The following ZNF595 variants were observed in gnomAD, a reference collection of about 807,000 sequenced individuals.
The protein encoded by ZNF595 is zinc finger protein 595.
ZNF595 carries 9 observed loss-of-function variants against 19.4 expected under a neutral mutation model. That is an observed-to-expected ratio of 0.46 (90% CI 0.28 to 0.81). ZNF595 has a LOEUF of 0.81. Ranked by LOEUF, ZNF595 falls within the 30% of genes least tolerant of loss-of-function variation. The probability of loss-of-function intolerance (pLI) is 0.11; values close to 1 mark genes in which losing one functional copy is unlikely to be tolerated. For missense variants in ZNF595, 729 were observed against 736.0 expected, an observed-to-expected ratio of 0.99 and a Z score of 0.11; for synonymous variants, 255 against 255.9, an observed-to-expected ratio of 1.00 and a Z score of 0.03.
At chr4:78,270 A>G (rs1176172962) in intron 3 of ZNF595, among the ~76,000 whole-genome samples, 1 of 152,210 alleles carries the variant, frequency 6.6e-6, no homozygotes, top group Non-Finnish European at 1.5e-5. Context: ...GGCCTCCCAG[A>G]GTCCTCAGAT....
At chr4:74,053 A>G (rs917695344) in intron 3 of ZNF595, among the ~76,000 whole-genome samples, 2 of 152,118 alleles carry the variant, frequency 1.3e-5, no homozygotes, top group Non-Finnish European at 2.9e-5. Context: ...CACACCTGTA[A>G]TCCTAATACT....
In ZNF595 at chr4:86,189, A is replaced by C; in HGVS notation, c.685A>C (p.Thr229Pro). Residue 229 changes from threonine to proline, a missense_variant, in exon 4 of 4, where the codon ACA (threonine) becomes CCA (proline). Coordinates refer to ENST00000610261, the MANE Select transcript of ZNF595 (RefSeq NM_182524.4). ...AATTCATACTGGAGAGAAACCCTACACATGTGAAGAATGTGGCAAAGCCTT... is the reference window on the plus strand; with the variant it reads ...AATTCATACTGGAGAGAAACCCTACCCATGTGAAGAATGTGGCAAAGCCTT... ...KRIHTGEKPY[T>P]CEECGKAFRR... is the part of the protein sequence containing the mutation. The C allele has an allele frequency of 1.2e-6, 2 of 1,613,948 alleles. No individual in the cohort carries two copies. Among genetic ancestry groups the C allele is most frequent in the Admixed American group, 1.7e-5 (1 of 60,020 alleles).
At chr4:74,924 A>G (rs1484432549) in intron 3 of ZNF595, among the ~76,000 whole-genome samples, 6 of 152,028 alleles carry the variant, frequency 3.9e-5, no homozygotes, top group African/African-American at 1.4e-4. Context: ...CTTTTACAAT[A>G]TATTTATGTG....
chr4:60,722 T>G (rs1712818490), intron 3 of ZNF595, among the ~76,000 whole-genome samples: 1 of 152,310 alleles, frequency 6.6e-6, no homozygotes, highest in Non-Finnish European at 1.5e-5. Context: ...TTAGTGATTT[T>G]TAATCCTGTA....
chr4:71,949 G>A (rs1390575205), intron 3 of ZNF595, among the ~76,000 whole-genome samples: 3 of 152,090 alleles, frequency 2.0e-5, no homozygotes, highest in Non-Finnish European at 2.9e-5. Context: ...GAGGCACACA[G>A]TGCAGAGGCC....
At chr4:76,932 T>C (rs1300417399) in intron 3 of ZNF595, among the ~76,000 whole-genome samples, 7 of 152,180 alleles carry the variant, frequency 4.6e-5, no homozygotes, top group African/African-American at 1.7e-4. Flanking sequence ...GGGCAATTGT[T>C]ATTAGTTCCT....
At chr4:74,820 A>G (rs1271116596) in intron 3 of ZNF595, among the ~76,000 whole-genome samples, 1 of 152,136 alleles carries the variant, frequency 6.6e-6, no homozygotes, top group Non-Finnish European at 1.5e-5. Context: ...CGGAGAGGTG[A>G]CTGAATAGAA....
chr4:76,401 C>T (rs576733838), intron 3 of ZNF595, among the ~76,000 whole-genome samples: 1 of 152,014 alleles, frequency 6.6e-6, no homozygotes, highest in Admixed American at 6.6e-5. Context: ...TATTGTATAC[C>T]CATTAACAAA....
rs1714275423 is a variant in ZNF595, at chr4:87,415, A to C, written c.1911A>C (p.Val637=). Reference sequence around the variant, plus strand: ...TTAATCGGCCCTCAACCCTTACTGTACACAAGCGAATTCATACTGGCAAGG... The same window carrying C: ...TTAATCGGCCCTCAACCCTTACTGTCCACAAGCGAATTCATACTGGCAAGG... The part of the protein sequence containing the change: ...KAFNRPSTLT[V]HKRIHTGKEH... The change falls in exon 4 of 4, where the codon GTA becomes GTC. Residue 637 remains valine (V), a synonymous_variant. Transcript: ENST00000610261. The C allele has an allele frequency of 1.2e-6, 2 of 1,605,330 alleles. No individual in the cohort carries two copies. The highest frequency in any genetic ancestry group is 2.7e-5 in the African/African-American group (2 of 74,638).
Position 87,386 on chromosome 4 carries a change from G to T in ZNF595, c.1882G>T (p.Ala628Ser). Reference sequence around the variant, plus strand: ...CTACAAATGTGAAGAATGTGGCAAAGCTTTTAATCGGCCCTCAACCCTTAC... The same window carrying T: ...CTACAAATGTGAAGAATGTGGCAAATCTTTTAATCGGCCCTCAACCCTTAC... ...KSYKCEECGK[A>S]FNRPSTLTVH... is the part of the protein sequence containing the mutation. The change falls in exon 4 of 4, where the codon GCT becomes TCT. Residue 628 changes from alanine (A) to serine (S), a missense_variant. This residue lies in a region of ZNF595 where 729 missense variants were observed against 675.3 expected (regional missense o/e 1.08). Coordinates refer to ENST00000610261, the MANE Select transcript of ZNF595 (RefSeq NM_182524.4). 1 of 1,613,046 alleles carries T rather than the reference G, an allele frequency of 6.2e-7. No individual in the cohort carries two copies. Among genetic ancestry groups the T allele is most frequent in the South Asian group, 1.1e-5 (1 of 90,800 alleles).
At chr4:76,905 GTTCAA>G (rs1306490923) in intron 3 of ZNF595, among the ~76,000 whole-genome samples, 1 of 152,050 alleles carries the variant, frequency 6.6e-6, no homozygotes, top group Non-Finnish European at 1.5e-5. Flanking sequence ...AATTTTGGCA[GTTCAA>G]TTATGTGTTC....
intron 3 of ZNF595, among the ~76,000 whole-genome samples, chr4:80,585 G>T (rs1553799654): frequency 6.6e-6 from 1 of 152,078 alleles, no homozygotes; most frequent in African/African-American, 2.4e-5. Flanking sequence ...AGGGAGATAG[G>T]GGTGGGGCAG....
intron 3 of ZNF595, among the ~76,000 whole-genome samples, chr4:60,993 A>T (rs1581322614): frequency 1.9e-3 from 278 of 149,552 alleles, no homozygotes; most frequent in African/African-American, 6.6e-3. Context: ...TATAAAATAC[A>T]CAAACAGTAA....
At chr4:68,607 T>G (rs1713298900) in intron 3 of ZNF595, 2 of 152,334 alleles carry the variant, frequency 1.3e-5, no homozygotes, top group Admixed American at 6.5e-5. Flanking sequence ...TAAATTTATA[T>G]TTTATTTATT....
chr4:84,876 T>A (rs1290154996), intron 3 of ZNF595, among the ~76,000 whole-genome samples: 2 of 152,208 alleles, frequency 1.3e-5, no homozygotes, highest in East Asian at 1.9e-4. Flanking sequence ...CAGGTTAATT[T>A]TTTAAAATTT....
intron 3 of ZNF595, among the ~76,000 whole-genome samples, chr4:84,679 T>C (rs1296442784): frequency 6.6e-6 from 1 of 152,212 alleles, no homozygotes; most frequent in East Asian, 1.9e-4. Context: ...GTATGTATCC[T>C]AGTTGAAGTT....
At chr4:78,375 T>C (rs1553799174) in intron 3 of ZNF595, among the ~76,000 whole-genome samples, 3 of 152,242 alleles carry the variant, frequency 2.0e-5, no homozygotes. Flanking sequence ...CTGTGGTATT[T>C]AATTCAAATA....
At chr4:72,662 T>C (rs1553798051) in intron 3 of ZNF595, among the ~76,000 whole-genome samples, 1 of 152,098 alleles carries the variant, frequency 6.6e-6, no homozygotes, top group African/African-American at 2.4e-5. Context: ...ATTTGCTGTC[T>C]GAAATGGATA....
intron 3 of ZNF595, among the ~76,000 whole-genome samples, chr4:78,409 G>A (rs1327217600): frequency 6.6e-6 from 1 of 152,156 alleles, no homozygotes; most frequent in Non-Finnish European, 1.5e-5. Flanking sequence ...TTCACTTTGA[G>A]CAAATTAAAA....
Sources: allele counts gnomAD v4.1 joint callset (sites outside exome capture counted in the v4.1 genomes callset), GRCh38; gene constraint gnomAD v4.1.1; regional missense constraint gnomAD v4.1.1; transcripts MANE v1.5; gene names NCBI Gene and HGNC (gene_info 2026-07-23, HGNC 2026-07-21).